EPHA3: variants seen among roughly 807,000 people sequenced by gnomAD.
The protein encoded by EPHA3 is EPH receptor A3.
Under a neutral mutation model 107.1 loss-of-function variants are expected in EPHA3, and 42 were observed. The observed-to-expected ratio is 0.39, with a 90% CI of 0.31 to 0.51. EPHA3 has a LOEUF of 0.51. EPHA3 is among the 20% of genes least tolerant of loss of function. The pLI, the probability that EPHA3 is intolerant of heterozygous loss-of-function variation, is 0.78. For missense variants in EPHA3, 1,183 were observed against 1,211.2 expected, an observed-to-expected ratio of 0.98 and a Z score of 0.35; for synonymous variants, 461 against 424.8, an observed-to-expected ratio of 1.09 and a Z score of -1.05.
rs35490136 is a variant in EPHA3, at chr3:89,107,976, CT to C, written c.88+150del. ...CTCTGAGAGTGAAGGAAAGATGTGCCTTTTTTTTTTCCAACTGTCTTCTAAA... is the reference window on the plus strand; with the variant it reads ...CTCTGAGAGTGAAGGAAAGATGTGCCTTTTTTTTTCCAACTGTCTTCTAAA... On this transcript the variant is annotated intron_variant, in intron 1 of 16. Coordinates refer to ENST00000336596, the MANE Select transcript of EPHA3 (RefSeq NM_005233.6). 5,148 of 600,350 alleles carry C rather than the reference CT, an allele frequency of 8.6e-3. 97 individuals are homozygous for C. Among genetic ancestry groups the C allele is most frequent in the African/African-American group, 0.055 (2,885 of 52,064 alleles). 37.2% of individuals were successfully genotyped at this position (600,350 alleles called of 1,614,324 possible). A position where few individuals can be genotyped will look rare whatever the true frequency, so the allele number is the denominator to read the frequency against.
At chr3:89,408,720 CT>C (rs1166485477) in intron 9 of EPHA3, among the ~76,000 whole-genome samples, 1 of 151,960 alleles carries the variant, frequency 6.6e-6, no homozygotes, top group African/African-American at 2.4e-5. Flanking sequence ...AACAAAAAGA[CT>C]TTTTTTCTTT....
chr3:89,193,041 C>G (rs1425350163), intron 2 of EPHA3, among the ~76,000 whole-genome samples: 1 of 151,858 alleles, frequency 6.6e-6, no homozygotes, highest in Non-Finnish European at 1.5e-5. Flanking sequence ...ATCTTTTGTA[C>G]AAAGTTGGAA....
At chr3:89,122,998 A>G (rs1576164881) in intron 1 of EPHA3, among the ~76,000 whole-genome samples, 2 of 152,146 alleles carry the variant, frequency 1.3e-5, no homozygotes, top group Non-Finnish European at 2.9e-5. Context: ...TGACTCTGGG[A>G]ATCTTAATCC....
Position 89,267,520 on chromosome 3 carries a change from C to A in EPHA3, c.814+57000C>A, listed in dbSNP as rs147242318. On this transcript the variant is annotated intron_variant, in intron 3 of 16. Transcript: ENST00000336596. ...TGACACAAGTCACAGCCCTGCCATT[C>A]CCCCTGGAAGCCAGGAAGCAGAATA... Among the ~76,000 whole-genome samples the A allele has an allele frequency of 1.6e-3, 245 of 152,210 alleles. 2 individuals are homozygous for A. The highest frequency in any genetic ancestry group is 1.9e-3 in the Admixed American group (29 of 15,282).
chr3:89,260,305 T>C lies in EPHA3; in HGVS notation c.814+49785T>C, dbSNP rs184561023. Among the ~76,000 whole-genome samples, 57 of 152,350 alleles carry C rather than the reference T, an allele frequency of 3.7e-4. No individual in the cohort carries two copies. In the East Asian group the frequency reaches 0.01, roughly 28 times the overall value. On this transcript the variant is annotated intron_variant, in intron 3 of 16. Transcript: ENST00000336596. Reference sequence around the variant, plus strand: ...ACAGTGTACATTTTCACCCACAGTATACTGGGGTTCTCTTTTCTCCCCACC... The same window carrying C: ...ACAGTGTACATTTTCACCCACAGTACACTGGGGTTCTCTTTTCTCCCCACC...
intron 2 of EPHA3, among the ~76,000 whole-genome samples, chr3:89,166,146 G>A (rs1278626011): frequency 6.6e-6 from 1 of 152,100 alleles, no homozygotes; most frequent in Non-Finnish European, 1.5e-5. Context: ...CAGCCTAAAC[G>A]TCCGGGTAGT....
At chr3:89,185,205 G>A (rs1410860189) in intron 2 of EPHA3, among the ~76,000 whole-genome samples, 2 of 151,844 alleles carry the variant, frequency 1.3e-5, no homozygotes, top group Non-Finnish European at 2.9e-5. Context: ...GTCCAGCAAA[G>A]TTCTAGCTTT....
At chr3:89,147,761 C>T (rs1005860336) in intron 2 of EPHA3, among the ~76,000 whole-genome samples, 7 of 151,710 alleles carry the variant, frequency 4.6e-5, no homozygotes, top group African/African-American at 1.5e-4. Flanking sequence ...TAATATAGGG[C>T]ATCAAAAGAT....
chr3:89,302,058 T>A (rs1308692567), intron 3 of EPHA3, among the ~76,000 whole-genome samples: 1 of 152,202 alleles, frequency 6.6e-6, no homozygotes, highest in Non-Finnish European at 1.5e-5. Context: ...GCGGACAATT[T>A]ATTTCATGGA....
chr3:89,349,985 C>T (rs1351557206), intron 5 of EPHA3, among the ~76,000 whole-genome samples: 79 of 147,972 alleles, frequency 5.3e-4, no homozygotes, highest in East Asian at 1.8e-3. Flanking sequence ...CCGAGAGATC[C>T]GCTGTTAGTC....
chr3:89,323,823 T>C (rs1374125745), intron 3 of EPHA3, among the ~76,000 whole-genome samples: 1 of 152,162 alleles, frequency 6.6e-6, no homozygotes, highest in Non-Finnish European at 1.5e-5. Flanking sequence ...AATTATGTAT[T>C]TCTAGATCAC....
intron 3 of EPHA3, among the ~76,000 whole-genome samples, chr3:89,227,234 C>T (rs1039443104): frequency 1.3e-5 from 2 of 151,966 alleles, no homozygotes; most frequent in African/African-American, 4.8e-5. Context: ...AAAGTTCTCA[C>T]ATTGGGAAAC....
chr3:89,245,021 G>T (rs139789300), intron 3 of EPHA3, among the ~76,000 whole-genome samples: 5 of 152,258 alleles, frequency 3.3e-5, no homozygotes, highest in African/African-American at 1.2e-4. Flanking sequence ...GGTAAGTATT[G>T]TTGGCCATTC....
chr3:89,256,432 G>A (rs748531019), intron 3 of EPHA3, among the ~76,000 whole-genome samples: 7 of 150,138 alleles, frequency 4.7e-5, no homozygotes, highest in African/African-American at 7.3e-5. Flanking sequence ...TTAGCTGGCC[G>A]TGTTGGAGTG....
At chr3:89,327,192 A>G (rs1479086733) in intron 3 of EPHA3, among the ~76,000 whole-genome samples, 1 of 152,250 alleles carries the variant, frequency 6.6e-6, no homozygotes, top group East Asian at 1.9e-4. Context: ...TTATGAAAAC[A>G]TGATTATACT....
chr3:89,256,850 G>A (rs1405575869), intron 3 of EPHA3, among the ~76,000 whole-genome samples: 1 of 152,076 alleles, frequency 6.6e-6, no homozygotes, highest in Non-Finnish European at 1.5e-5. Flanking sequence ...TATACCATAC[G>A]GTAATGAATC....
intron 5 of EPHA3, among the ~76,000 whole-genome samples, chr3:89,394,725 T>C (rs1708814314): frequency 6.6e-6 from 1 of 152,216 alleles, no homozygotes; most frequent in South Asian, 2.1e-4. Flanking sequence ...TACAAATACA[T>C]GAGGTTCTTA....
intron 2 of EPHA3, among the ~76,000 whole-genome samples, chr3:89,162,067 T>G (rs1704959551): frequency 6.6e-6 from 1 of 151,774 alleles, no homozygotes; most frequent in African/African-American, 2.4e-5. Flanking sequence ...CCAAGTGAGG[T>G]AATTCACTTA....
chr3:89,385,949 C>T (rs76382367), intron 5 of EPHA3, among the ~76,000 whole-genome samples: 2,698 of 152,138 alleles, frequency 0.018, 69 homozygotes, highest in African/African-American at 0.056. Context: ...TGTTGGCAGC[C>T]GGAATAAAGT....
Sources: gnomAD v4.1 joint callset for allele counts (sites outside exome capture counted in the v4.1 genomes callset) on GRCh38, gnomAD v4.1.1 for gene constraint, MANE v1.5 for transcripts, NCBI Gene and HGNC (gene_info 2026-07-23, HGNC 2026-07-21) for gene names.